SAP130: variants seen among roughly 807,000 people sequenced by gnomAD.
The protein encoded by SAP130 is histone deacetylase complex subunit SAP130.
Under a neutral mutation model 103.2 loss-of-function variants are expected in SAP130, and 16 were observed. The observed-to-expected ratio is 0.16, with a 90% confidence interval of 0.10 to 0.24. SAP130 has a LOEUF of 0.24. SAP130 is among the 10% of genes least tolerant of loss of function. The probability of loss-of-function intolerance (pLI) is 1.00; values close to 1 mark genes in which losing one functional copy is unlikely to be tolerated. For missense variants in SAP130, 990 were observed against 1,359.7 expected (o/e 0.73, Z 4.28); for synonymous variants, 477 against 497.0 (o/e 0.96, Z 0.53).
At chr2:127,976,209 C>A (rs906160677) in intron 15 of SAP130, among the ~76,000 whole-genome samples, 1 of 152,178 alleles carries the variant, frequency 6.6e-6, no homozygotes, top group East Asian at 1.9e-4. Context: ...TATATCAAAG[C>A]CTTGGTTCCT....
intron 14 of SAP130, among the ~76,000 whole-genome samples, chr2:127,978,334 C>T (rs1397879262): frequency 2.0e-5 from 3 of 152,054 alleles, no homozygotes; most frequent in East Asian, 1.9e-4. Flanking sequence ...CACTTCCTGC[C>T]AGGCTCCCTC....
chr2:127,969,831 A>G (rs1680939053), intron 15 of SAP130, among the ~76,000 whole-genome samples: 1 of 152,200 alleles, frequency 6.6e-6, no homozygotes, highest in Admixed American at 6.5e-5. Flanking sequence ...ATGGTGGCTC[A>G]TGCCTGTAAT....
chr2:128,016,267 G>C (rs894807434), intron 4 of SAP130, 122 bp downstream of exon 4: 1 of 972,046 alleles, frequency 1.0e-6, no homozygotes, highest in African/African-American at 1.6e-5. Flanking sequence ...TCACTTGCAG[G>C]TATCAGTGAC....
Position 127,942,643 on chromosome 2 carries a change from T to C in SAP130, c.2902-106A>G. 3 of 686,058 alleles carry C rather than the reference T, an allele frequency of 4.4e-6. No homozygotes were observed. Among genetic ancestry groups the C allele is most frequent in the Non-Finnish European group, 7.8e-6 (3 of 386,402 alleles). The allele number at this position is 686,058 out of a possible 1,614,324, so 42.5% of individuals were successfully genotyped here. ...ATCACCTTTGTAAACTGTCTAAGAG[T>C]TGTTTGGGTGACAACGTCCTTTCTC... is the stretch of plus-strand genomic sequence containing the variant. On this transcript the variant is annotated intron_variant, in intron 19 of 20. Coordinates refer to ENST00000643581, the MANE Select transcript of SAP130 (RefSeq NM_001330301.2). The surrounding 1 kb of genome is among the most constrained non-coding windows in gnomAD (Gnocchi z 4.8).
intron 11 of SAP130, among the ~76,000 whole-genome samples, chr2:127,995,207 G>C (rs992809478): frequency 2.6e-5 from 4 of 152,320 alleles, no homozygotes; most frequent in Non-Finnish European, 4.4e-5. Context: ...ACAACCCATA[G>C]CAACAAGCAG....
intron 2 of SAP130, among the ~76,000 whole-genome samples, chr2:128,021,110 T>G (rs1685122331): frequency 6.6e-6 from 1 of 152,146 alleles, no homozygotes; most frequent in Non-Finnish European, 1.5e-5. Context: ...TCTTGTCCAA[T>G]GATCTCTTCA....
chr2:128,001,092 A>C (rs944405655), intron 7 of SAP130, among the ~76,000 whole-genome samples: 6 of 152,174 alleles, frequency 3.9e-5, no homozygotes, highest in Non-Finnish European at 8.8e-5. Flanking sequence ...TCCTTAGCAA[A>C]TGTAAGAACA....
intron 18 of SAP130, among the ~76,000 whole-genome samples, chr2:127,947,800 GTT>G: frequency 6.6e-6 from 1 of 151,534 alleles, no homozygotes; most frequent in African/African-American, 2.4e-5. Flanking sequence ...GTGTGTGTGT[GTT>G]TTGAGACGGA....
intron 10 of SAP130, among the ~76,000 whole-genome samples, chr2:127,999,152 G>C (rs1374029133): frequency 6.6e-6 from 1 of 152,210 alleles, no homozygotes; most frequent in Non-Finnish European, 1.5e-5. Flanking sequence ...GTGAGGCTGA[G>C]CACCTACTTA....
At chr2:127,987,171 T>A (rs1559071183) in intron 13 of SAP130, among the ~76,000 whole-genome samples, 3 of 152,150 alleles carry the variant, frequency 2.0e-5, no homozygotes. Context: ...TGATGCATGA[T>A]CCATACCATT....
Position 127,986,926 on chromosome 2 carries a change from T to C in SAP130, c.1817A>G (p.Asn606Ser), listed in dbSNP as rs374888723. The change falls in exon 14 of 21, where the codon AAC becomes AGC. Residue 606 changes from asparagine to serine, a missense_variant. Transcript: ENST00000643581. This position sits in a 1 kb window ranked among gnomAD's most constrained non-coding sequence, Gnocchi z 4.7. ...AGCACTGAATGGATTGCTAATAGGGTTGGCCACAATTGTGGCTCCATCTGC... is the reference window on the plus strand; with the variant it reads ...AGCACTGAATGGATTGCTAATAGGGCTGGCCACAATTGTGGCTCCATCTGC... The part of the protein sequence containing the change: ...VLADGATIVA[N>S]PISNPFSAAP... 6.8e-6 allele frequency: 11 copies of C among 1,613,696 alleles called. No homozygotes were observed. The African/African-American group carries it at 9.3e-5, about 14-fold the overall frequency.
At chr2:128,012,807 T>C (rs1189506182) in intron 6 of SAP130, among the ~76,000 whole-genome samples, 1 of 151,676 alleles carries the variant, frequency 6.6e-6, no homozygotes. Context: ...TCACTTCCTC[T>C]TCACTTCTCT....
chr2:128,020,483 T>C (rs1208935792), intron 2 of SAP130, among the ~76,000 whole-genome samples: 2 of 152,224 alleles, frequency 1.3e-5, no homozygotes, highest in South Asian at 2.1e-4. Flanking sequence ...TGTACACAGC[T>C]GTAGATCTTT....
chr2:127,990,528 T>C (rs1030978863), intron 12 of SAP130, among the ~76,000 whole-genome samples: 4 of 152,256 alleles, frequency 2.6e-5, no homozygotes, highest in Non-Finnish European at 5.9e-5. Context: ...CTTACACTTA[T>C]AAGCTACCTT....
intron 15 of SAP130, among the ~76,000 whole-genome samples, chr2:127,963,633 C>T (rs1444390577): frequency 6.6e-6 from 1 of 152,190 alleles, no homozygotes; most frequent in Non-Finnish European, 1.5e-5. Flanking sequence ...CATCTTGTAG[C>T]TCCCATGATT....
intron 14 of SAP130, among the ~76,000 whole-genome samples, chr2:127,980,885 A>C (rs1681818550): frequency 9.3e-6 from 1 of 108,070 alleles, no homozygotes; most frequent in African/African-American, 3.3e-5. Context: ...AGACAGAGTG[A>C]GACCCCCATC....
intron 11 of SAP130, among the ~76,000 whole-genome samples, chr2:127,993,960 T>C (rs1682991794): frequency 6.6e-6 from 1 of 152,048 alleles, no homozygotes. Context: ...TTGTTACTAA[T>C]ATTGGAACAG....
At chr2:127,990,026 T>C (rs1355534115) in intron 12 of SAP130, among the ~76,000 whole-genome samples, 160 bp from the exon 13 acceptor site, 1 of 152,220 alleles carries the variant, frequency 6.6e-6, no homozygotes, top group Non-Finnish European at 1.5e-5. Flanking sequence ...TGAAACTTAC[T>C]ATACTTGGGA....
chr2:127,991,528 A>G (rs1169308271), intron 12 of SAP130, among the ~76,000 whole-genome samples: 2 of 151,934 alleles, frequency 1.3e-5, no homozygotes, highest in Non-Finnish European at 2.9e-5. Flanking sequence ...TTTGGTAGAG[A>G]CTAGGTCTCA....
Sources: allele counts gnomAD v4.1 joint callset (sites outside exome capture counted in the v4.1 genomes callset), GRCh38; gene constraint gnomAD v4.1.1; non-coding constraint Gnocchi (gnomAD v3.1); transcripts MANE v1.5; gene names NCBI Gene and HGNC (gene_info 2026-07-23, HGNC 2026-07-21).